Variants in PTPN13 observed in about 807,000 individuals in gnomAD.
PTPN13 encodes the protein protein tyrosine phosphatase non-receptor type 13, also known as tyrosine-protein phosphatase non-receptor type 13.
In PTPN13, 191 loss-of-function variants were observed where a neutral mutation model predicts 284.0. The ratio of observed to expected loss-of-function variants is 0.67; its 90% CI spans 0.60 to 0.76. The LOEUF (loss-of-function observed/expected upper bound fraction) is 0.76. Ranked by LOEUF, PTPN13 falls within the 30% of genes least tolerant of loss-of-function variation. The pLI is 0.00. For synonymous variants in PTPN13, 986 were observed against 1,022.3 expected, an observed-to-expected ratio of 0.96 and a Z score of 0.68; for missense variants, 2,797 against 2,939.9, an observed-to-expected ratio of 0.95 and a Z score of 1.12.
chr4:86,702,662 A>G (rs1201569920), intron 7 of PTPN13, among the ~76,000 whole-genome samples: 1 of 152,204 alleles, frequency 6.6e-6, no homozygotes, highest in Non-Finnish European at 1.5e-5. Context: ...TCCAAGACAT[A>G]TGGATAGAGG....
At chr4:86,732,841 G>A (rs1735097384) in intron 12 of PTPN13, 75 bp downstream of exon 12, 2 of 1,296,352 alleles carry the variant, frequency 1.5e-6, no homozygotes, top group African/African-American at 1.5e-5. Flanking sequence ...TTGTTACCAT[G>A]CCTGACCTCA....
At chr4:86,685,780 C>A (rs1015861129) in intron 3 of PTPN13, among the ~76,000 whole-genome samples, 3 of 152,146 alleles carry the variant, frequency 2.0e-5, no homozygotes, top group African/African-American at 4.8e-5. Context: ...GGTAGAAATA[C>A]AAAATGGTAC....
At chr4:86,668,397 A>G (rs1287872507) in intron 2 of PTPN13, among the ~76,000 whole-genome samples, 2 of 152,186 alleles carry the variant, frequency 1.3e-5, no homozygotes, top group Admixed American at 6.5e-5. Context: ...GCAGGTTTGC[A>G]TAACCCTTTA....
intron 1 of PTPN13, among the ~76,000 whole-genome samples, chr4:86,621,437 CA>C: frequency 6.6e-6 from 1 of 152,230 alleles, no homozygotes; most frequent in African/African-American, 2.4e-5. Context: ...TATGTGTCCA[CA>C]ATCTCTCATC....
chr4:86,763,533 C>T (rs750925965), intron 24 of PTPN13, among the ~76,000 whole-genome samples: 13 of 152,208 alleles, frequency 8.5e-5, no homozygotes, highest in Admixed American at 1.3e-4. Context: ...CTAAATAGTT[C>T]GTATAATGGG....
intron 10 of PTPN13, among the ~76,000 whole-genome samples, chr4:86,730,799 C>T (rs912686051): frequency 1.3e-5 from 2 of 151,960 alleles, no homozygotes; most frequent in African/African-American, 4.8e-5. Context: ...GCTCATCCTC[C>T]GATTGCTGCA....
chr4:86,598,487 T>A (rs1291262000), intron 1 of PTPN13, among the ~76,000 whole-genome samples: 3 of 152,034 alleles, frequency 2.0e-5, no homozygotes, highest in African/African-American at 7.3e-5. Flanking sequence ...TGTGCAAATG[T>A]GGTTTAAGTG....
chr4:86,777,599 C>A (rs758844529), intron 35 of PTPN13, among the ~76,000 whole-genome samples: 1 of 150,414 alleles, frequency 6.6e-6, no homozygotes, highest in Non-Finnish European at 1.5e-5. Context: ...ATTATTCTGC[C>A]TACCACAATT....
chr4:86,719,230 T>C (rs1417823625), intron 9 of PTPN13, among the ~76,000 whole-genome samples: 1 of 152,220 alleles, frequency 6.6e-6, no homozygotes, highest in African/African-American at 2.4e-5. Flanking sequence ...ACATGTGGTA[T>C]TTGGTTTTCT....
chr4:86,661,581 G>C (rs1726491568), intron 2 of PTPN13, among the ~76,000 whole-genome samples: 1 of 152,124 alleles, frequency 6.6e-6, no homozygotes, highest in African/African-American at 2.4e-5. Context: ...AGAGGGGTGA[G>C]GGAGTTATGT....
chr4:86,699,254 T>C lies in PTPN13; in HGVS notation c.635-1987T>C, dbSNP rs568031102. On this transcript the variant is annotated intron_variant, in intron 6 of 47. Coordinates refer to ENST00000411767, the MANE Select transcript of PTPN13 (RefSeq NM_080683.3). ...TACAAAAACAAAATTAGCGTGGTGG[T>C]GGGCGCCTGTGGTCCCAACTACTCG... Among the ~76,000 whole-genome samples the C allele has an allele frequency of 1.5e-3, 224 of 151,890 alleles. 1 individual carries two copies. The highest frequency in any genetic ancestry group is 4.8e-3 in the African/African-American group (199 of 41,426).
chr4:86,762,867 T>C lies in PTPN13; in HGVS notation c.3694T>C (p.Ser1232Pro). ...RGTLRHISEN[S>P]FGPSGGLREG... is the part of the protein sequence containing the mutation. ...TACCCTGAGGCACATCTCGGAGAAC[T>C]CCTTTGGGCCATCTGGGGGCCTGCG... The change falls in exon 24 of 48, where the codon TCC becomes CCC. Residue 1232 changes from serine to proline, a missense_variant. Coordinates refer to ENST00000411767, the MANE Select transcript of PTPN13 (RefSeq NM_080683.3). The C allele has an allele frequency of 6.2e-7, 1 of 1,613,828 alleles. No individual in the cohort carries two copies. The highest frequency in any genetic ancestry group is 8.5e-7 in the Non-Finnish European group (1 of 1,179,824).
At chr4:86,620,340 A>AT (rs899882816) in intron 1 of PTPN13, among the ~76,000 whole-genome samples, 3 of 151,928 alleles carry the variant, frequency 2.0e-5, no homozygotes, top group Non-Finnish European at 2.9e-5. Flanking sequence ...TAATTTTTGT[A>AT]TTTTTTTAGA....
intron 1 of PTPN13, among the ~76,000 whole-genome samples, chr4:86,602,790 A>G (rs1042446317): frequency 6.6e-6 from 1 of 151,718 alleles, no homozygotes; most frequent in African/African-American, 2.4e-5. Flanking sequence ...TCCCATGCTC[A>G]ACTGATCCTC....
intron 1 of PTPN13, among the ~76,000 whole-genome samples, chr4:86,606,301 A>C (rs1764736299): frequency 6.6e-6 from 1 of 151,838 alleles, no homozygotes; most frequent in Admixed American, 6.6e-5. Context: ...TGAGCCACCT[A>C]CACTATACAC....
rs1320620736 is a variant in PTPN13, at chr4:86,776,817, ATGATTGTATG to A, written c.5891+1166_5891+1175del. 3.3e-5 allele frequency among the ~76,000 whole-genome samples: 5 copies of A among 152,354 alleles called. 1 individual carries two copies. The South Asian group carries it at 1.0e-3, about 32-fold the overall frequency. On this transcript the variant is annotated intron_variant, in intron 35 of 47. Coordinates refer to ENST00000411767, the MANE Select transcript of PTPN13 (RefSeq NM_080683.3). ...TACTGTAATGGAAATGAAACACAGG[ATGATTGTATG>A]AGTATTCAAAGTATGGTTTCTACCA...
Position 86,683,150 on chromosome 4 carries a change from C to CGT in PTPN13, c.295-3539_295-3538dup, listed in dbSNP as rs59436322. The stretch of plus-strand genomic sequence containing the variant: ...AGAAACAGAACCAATAGGGTGTGTG[C>CGT]GTGTGTGTGTGTGTGTGTGTGTATT... On this transcript the variant is annotated intron_variant, in intron 3 of 47. Transcript: ENST00000411767. Among the ~76,000 whole-genome samples the CGT allele has an allele frequency of 7.1e-3, 1,044 of 147,854 alleles. 18 individuals are homozygous for CGT. The highest frequency in any genetic ancestry group is 0.066 in the South Asian group (308 of 4,640).
At chr4:86,632,730 TC>T (rs1722598332) in intron 1 of PTPN13, among the ~76,000 whole-genome samples, 1 of 151,916 alleles carries the variant, frequency 6.6e-6, no homozygotes, top group Non-Finnish European at 1.5e-5. Context: ...TCTGGGTACT[TC>T]AGGTGGAACT....
intron 17 of PTPN13, among the ~76,000 whole-genome samples, 188 bp downstream of exon 17, chr4:86,745,316 A>T (rs1736617413): frequency 6.6e-6 from 1 of 152,202 alleles, no homozygotes; most frequent in Non-Finnish European, 1.5e-5. Flanking sequence ...CCCTGAGAGA[A>T]TACTCCTAGG....
Sources: allele counts gnomAD v4.1 joint callset (sites outside exome capture counted in the v4.1 genomes callset), GRCh38; gene constraint gnomAD v4.1.1; transcripts MANE v1.5; gene names NCBI Gene and HGNC (gene_info 2026-07-23, HGNC 2026-07-21).